The following DAPP1 variants were observed in gnomAD, a reference collection of about 807,000 sequenced individuals.
The protein encoded by DAPP1 is dual adaptor of phosphotyrosine and 3-phosphoinositides 1.
DAPP1 carries 20 observed loss-of-function variants against 41.5 expected under a neutral mutation model. That is an observed-to-expected ratio of 0.48 (90% CI 0.34 to 0.70). The LOEUF (loss-of-function observed/expected upper bound fraction) is 0.70, where lower values mean the gene tolerates loss of function less well. DAPP1 is among the 30% of genes least tolerant of loss of function. The pLI is 0.01. For synonymous variants in DAPP1, 113 were observed against 116.2 expected (o/e 0.97, Z 0.18); for missense variants, 233 against 333.4 (o/e 0.70, Z 2.35).
intron 4 of DAPP1, among the ~76,000 whole-genome samples, chr4:99,858,864 G>A (rs1003575170): frequency 6.6e-6 from 1 of 151,936 alleles, no homozygotes; most frequent in Admixed American, 6.6e-5. Flanking sequence ...GCCCTTTCAA[G>A]TGGTGTCTGT....
intron 1 of DAPP1, among the ~76,000 whole-genome samples, chr4:99,829,866 GTTAA>G (rs1723062080): frequency 6.6e-6 from 1 of 152,100 alleles, no homozygotes; most frequent in South Asian, 2.1e-4. Flanking sequence ...TGATTCAACA[GTTAA>G]TTAATACAAA....
chr4:99,846,825 A>G (rs939126223), intron 3 of DAPP1, among the ~76,000 whole-genome samples: 13 of 152,198 alleles, frequency 8.5e-5, no homozygotes, highest in Non-Finnish European at 5.9e-5. Flanking sequence ...ACTTCACCCT[A>G]TGAGACTGGA....
chr4:99,863,283 A>G (rs1353337926), intron 6 of DAPP1, among the ~76,000 whole-genome samples: 1 of 152,146 alleles, frequency 6.6e-6, no homozygotes, highest in Non-Finnish European at 1.5e-5. Context: ...GATTGGCTAA[A>G]CCATAGTTCC....
At chr4:99,842,192 G>C (rs758940363) in intron 3 of DAPP1, among the ~76,000 whole-genome samples, 21 of 152,190 alleles carry the variant, frequency 1.4e-4, no homozygotes, top group Non-Finnish European at 2.4e-4. Flanking sequence ...ACTGTTCTGA[G>C]TAAAGAAGCC....
At chr4:99,843,754 C>G (rs1578177085) in intron 3 of DAPP1, among the ~76,000 whole-genome samples, 4 of 152,184 alleles carry the variant, frequency 2.6e-5, no homozygotes, top group Admixed American at 2.6e-4. Flanking sequence ...TAAAAAAATA[C>G]CTTTTTTTCC....
intron 2 of DAPP1, among the ~76,000 whole-genome samples, chr4:99,836,446 A>G (rs1001721773): frequency 6.6e-6 from 1 of 152,156 alleles, no homozygotes; most frequent in South Asian, 2.1e-4. Flanking sequence ...ACATGTAGCA[A>G]GTATTCTTGG....
At chr4:99,827,454 A>G (rs1433444807) in intron 1 of DAPP1, among the ~76,000 whole-genome samples, 1 of 151,218 alleles carries the variant, frequency 6.6e-6, no homozygotes, top group Non-Finnish European at 1.5e-5. Context: ...AATGGCGTGA[A>G]CCCGGGAGGC....
At chr4:99,821,432 G>C (rs1479135246) in intron 1 of DAPP1, among the ~76,000 whole-genome samples, 1 of 152,198 alleles carries the variant, frequency 6.6e-6, no homozygotes, top group Non-Finnish European at 1.5e-5. Flanking sequence ...GAGCCCACTG[G>C]TCAAAGGTAT....
At chr4:99,867,851 A>G (rs746139164) in intron 8 of DAPP1, among the ~76,000 whole-genome samples, 18 of 152,154 alleles carry the variant, frequency 1.2e-4, no homozygotes, top group Non-Finnish European at 1.8e-4. Flanking sequence ...ATAGTATTGC[A>G]TTTTATAGAT....
chr4:99,836,535 G>A (rs1027936573), intron 2 of DAPP1, among the ~76,000 whole-genome samples: 4 of 152,174 alleles, frequency 2.6e-5, no homozygotes, highest in African/African-American at 4.8e-5. Flanking sequence ...CACCCATTAA[G>A]CTCAAACTGT....
Position 99,866,136 on chromosome 4 carries a change from G to A in DAPP1, c.774+15G>A. 7.1e-7 allele frequency: 1 copy of A among 1,403,526 alleles called. No homozygotes were observed. The highest frequency in any genetic ancestry group is 1.2e-5 in the South Asian group (1 of 85,686). The allele number at this position is 1,403,526 out of a possible 1,614,324, so 86.9% of individuals were successfully genotyped here. A position where few individuals can be genotyped will look rare whatever the true frequency, so the allele number is the denominator to read the frequency against. On this transcript the variant is annotated intron_variant, in intron 8 of 8. Transcript: ENST00000512369. ...GCTGGAAATTGGTGAGAATTTTTAAGCCTTCAGATGTCAAGTCTTGAGAAA... is the reference window on the plus strand; with the variant it reads ...GCTGGAAATTGGTGAGAATTTTTAAACCTTCAGATGTCAAGTCTTGAGAAA...
At position 99,868,350 on chromosome 4, in the gene DAPP1, G is replaced by A. The variant is rs1013774149; in HGVS notation, c.*165G>A. On this transcript the variant is annotated 3_prime_UTR_variant, in exon 9 of 9. Transcript: ENST00000512369. ...CCCATATACCACGTTGCTGACTCACGTTGCTGCCCTTCCATGATGTTGCCA... is the reference window on the plus strand; with the variant it reads ...CCCATATACCACGTTGCTGACTCACATTGCTGCCCTTCCATGATGTTGCCA... 2.7e-5 allele frequency: 17 copies of A among 626,222 alleles called. No individual in the cohort carries two copies. Among genetic ancestry groups the A allele is most frequent in the African/African-American group, 1.1e-4 (6 of 54,298 alleles). 38.8% of individuals were successfully genotyped at this position (626,222 alleles called of 1,614,324 possible).
chr4:99,863,215 GA>G, intron 6 of DAPP1, 143 bp downstream of exon 6: 1 of 602,854 alleles, frequency 1.7e-6, no homozygotes, highest in Non-Finnish European at 2.8e-6. Context: ...CTTGATTCCT[GA>G]AATGAGCAGA....
intron 3 of DAPP1, among the ~76,000 whole-genome samples, chr4:99,849,440 G>A (rs1166706598): frequency 6.6e-6 from 1 of 152,160 alleles, no homozygotes; most frequent in Admixed American, 6.5e-5. Context: ...AAGTGGTAGG[G>A]ATACAAAGAT....
chr4:99,869,133 G>C lies in DAPP1; in HGVS notation c.*948G>C, dbSNP rs573671811. On this transcript the variant is annotated 3_prime_UTR_variant, in exon 9 of 9. Coordinates refer to ENST00000512369, the MANE Select transcript of DAPP1 (RefSeq NM_014395.3). ...TTAGTTGTATAGGGTTGGCCCAAGA[G>C]ATGTAAGAAAAATCTCGCATTGCTC... 6.6e-6 allele frequency: 1 copy of C among 152,154 alleles called. No individual in the cohort carries two copies. The highest frequency in any genetic ancestry group is 1.5e-5 in the Non-Finnish European group (1 of 68,026). 9.4% of individuals were successfully genotyped at this position (152,154 alleles called of 1,614,324 possible). A position where few individuals can be genotyped will look rare whatever the true frequency, so the allele number is the denominator to read the frequency against.
chr4:99,816,883 GTC>G lies in DAPP1; in HGVS notation c.-21_-20del, dbSNP rs750028884. On this transcript the variant is annotated 5_prime_UTR_variant, in exon 1 of 9. Coordinates refer to ENST00000512369, the MANE Select transcript of DAPP1 (RefSeq NM_014395.3). ...AAGGTGTCAGGAGCAGCCCAGTTGT[GTC>G]TCTCTCTCTACCTCTGTGAAGGGCG... 1.1e-5 allele frequency: 17 copies of G among 1,567,148 alleles called. No homozygotes were observed. The highest frequency in any genetic ancestry group is 2.3e-5 in the South Asian group (2 of 85,580).
chr4:99,828,347 G>A (rs942231294), intron 1 of DAPP1, among the ~76,000 whole-genome samples: 3 of 152,104 alleles, frequency 2.0e-5, no homozygotes, highest in African/African-American at 7.2e-5. Context: ...AGAAAGATAG[G>A]TGTTACGTCC....
chr4:99,839,918 C>T (rs796994035), intron 2 of DAPP1, among the ~76,000 whole-genome samples: 4 of 152,246 alleles, frequency 2.6e-5, no homozygotes, highest in African/African-American at 9.6e-5. Context: ...AAAAATTAGC[C>T]AGGCATCGTG....
At chr4:99,850,936 T>C (rs1723833556) in intron 3 of DAPP1, among the ~76,000 whole-genome samples, 1 of 152,242 alleles carries the variant, frequency 6.6e-6, no homozygotes, top group Non-Finnish European at 1.5e-5. Context: ...TTGTAATGGT[T>C]GTCCAAGGCC....
Sources: gnomAD v4.1 joint callset for allele counts (sites outside exome capture counted in the v4.1 genomes callset) on GRCh38, gnomAD v4.1.1 for gene constraint, MANE v1.5 for transcripts, NCBI Gene and HGNC (gene_info 2026-07-23, HGNC 2026-07-21) for gene names.